CCBE1: variants seen among roughly 807,000 people sequenced by gnomAD.
CCBE1 encodes collagen and calcium-binding EGF domain-containing protein 1.
Under a neutral mutation model 50.0 loss-of-function variants are expected in CCBE1, and 37 were observed. That is an observed-to-expected ratio of 0.74 (90% CI 0.57 to 0.97). CCBE1 has a LOEUF of 0.97. CCBE1 is among the 50% of genes least tolerant of loss of function. The probability of loss-of-function intolerance (pLI) is 0.00; values close to 1 mark genes in which losing one functional copy is unlikely to be tolerated. For synonymous variants in CCBE1, 234 were observed against 203.7 expected (o/e 1.15, Z -1.27); for missense variants, 538 against 523.8 (o/e 1.03, Z -0.26).
At chr18:59,532,037 C>A (rs1915073313) in intron 2 of CCBE1, among the ~76,000 whole-genome samples, 1 of 152,174 alleles carries the variant, frequency 6.6e-6, no homozygotes, top group African/African-American at 2.4e-5. Flanking sequence ...TAAACATACT[C>A]ATGACCGTCT....
chr18:59,494,554 T>G (rs1163485858), intron 2 of CCBE1, among the ~76,000 whole-genome samples: 1 of 151,942 alleles, frequency 6.6e-6, no homozygotes, highest in Non-Finnish European at 1.5e-5. Flanking sequence ...GGTTAAAATC[T>G]GTAGGACTTC....
intron 2 of CCBE1, among the ~76,000 whole-genome samples, chr18:59,690,281 A>G (rs535496776): frequency 6.6e-6 from 1 of 152,358 alleles, no homozygotes; most frequent in South Asian, 2.1e-4. Context: ...ATGAGTCAAT[A>G]GCTTCGCAGA....
intron 2 of CCBE1, among the ~76,000 whole-genome samples, chr18:59,544,796 C>T (rs896977783): frequency 6.6e-6 from 1 of 152,144 alleles, no homozygotes; most frequent in Non-Finnish European, 1.5e-5. Flanking sequence ...TTCCATTATA[C>T]CTTTTAAGAG....
intron 4 of CCBE1, 98 bp downstream of exon 4, chr18:59,469,375 A>G (rs1231975649): frequency 1.3e-6 from 2 of 1,511,272 alleles, no homozygotes; most frequent in African/African-American, 2.7e-5. Context: ...ACACAACTCC[A>G]TCCAACAAGT....
At chr18:59,662,660 G>C (rs2054300284) in intron 2 of CCBE1, among the ~76,000 whole-genome samples, 1 of 152,212 alleles carries the variant, frequency 6.6e-6, no homozygotes, top group African/African-American at 2.4e-5. Flanking sequence ...GCAGGTTCAG[G>C]GAGACCATGA....
At chr18:59,505,827 C>T (rs560931732) in intron 2 of CCBE1, among the ~76,000 whole-genome samples, 1 of 152,136 alleles carries the variant, frequency 6.6e-6, no homozygotes, top group Non-Finnish European at 1.5e-5. Flanking sequence ...GGGTAAGAAA[C>T]TTACTAAAGG....
At chr18:59,683,703 AAG>A (rs2054621488) in intron 2 of CCBE1, among the ~76,000 whole-genome samples, 1 of 148,760 alleles carries the variant, frequency 6.7e-6, no homozygotes, top group African/African-American at 2.6e-5. Flanking sequence ...ATCTCAAAAA[AAG>A]AGAGGAAAGA....
At chr18:59,502,018 T>C (rs10163572) in intron 2 of CCBE1, among the ~76,000 whole-genome samples, 27,789 of 152,118 alleles carry the variant, frequency 0.18, 3,009 homozygotes, top group Non-Finnish European at 0.24. Context: ...AGGCTGATCT[T>C]AAACTCCTGA....
intron 2 of CCBE1, among the ~76,000 whole-genome samples, chr18:59,480,856 A>G (rs1568163079): frequency 1.3e-5 from 2 of 152,154 alleles, no homozygotes; most frequent in Non-Finnish European, 2.9e-5. Context: ...TAAATATTCA[A>G]TACTTACTCC....
intron 2 of CCBE1, among the ~76,000 whole-genome samples, chr18:59,612,316 G>A (rs868088102): frequency 2.6e-4 from 36 of 140,854 alleles, no homozygotes; most frequent in Non-Finnish European, 4.9e-4. Context: ...GAAAAAAAAA[G>A]GGAAGAAAAA....
At chr18:59,611,256 A>G (rs2053565264) in intron 2 of CCBE1, among the ~76,000 whole-genome samples, 1 of 152,258 alleles carries the variant, frequency 6.6e-6, no homozygotes, top group African/African-American at 2.4e-5. Flanking sequence ...AGCTGGCAAG[A>G]GTGCCAGCCA....
chr18:59,622,581 T>G (rs1422618223), intron 2 of CCBE1, among the ~76,000 whole-genome samples: 1 of 150,848 alleles, frequency 6.6e-6, no homozygotes, highest in South Asian at 2.1e-4. Context: ...GGCAGGTAGA[T>G]CACGAGGTCA....
chr18:59,678,001 C>A (rs2054530511), intron 2 of CCBE1, among the ~76,000 whole-genome samples: 1 of 152,198 alleles, frequency 6.6e-6, no homozygotes, highest in Non-Finnish European at 1.5e-5. Context: ...TACATCAACA[C>A]TGAAAACTGA....
At chr18:59,488,656 C>T (rs538215790) in intron 2 of CCBE1, among the ~76,000 whole-genome samples, 3 of 152,234 alleles carry the variant, frequency 2.0e-5, no homozygotes, top group South Asian at 4.2e-4. Flanking sequence ...GGTGAGAATC[C>T]GGGCTCTGCT....
intron 2 of CCBE1, among the ~76,000 whole-genome samples, chr18:59,609,030 T>C (rs1031121256): frequency 6.6e-6 from 1 of 152,226 alleles, no homozygotes; most frequent in Non-Finnish European, 1.5e-5. Flanking sequence ...TTGCATTATG[T>C]GACTTGTCAT....
chr18:59,664,635 A>T (rs2054328047), intron 2 of CCBE1, among the ~76,000 whole-genome samples: 1 of 152,178 alleles, frequency 6.6e-6, no homozygotes, highest in South Asian at 2.1e-4. Context: ...GCCATTAAGC[A>T]CCTCATTCTA....
chr18:59,559,005 C>T (rs1443969188), intron 2 of CCBE1, among the ~76,000 whole-genome samples: 1 of 152,210 alleles, frequency 6.6e-6, no homozygotes, highest in East Asian at 1.9e-4. Flanking sequence ...TGGACCTGGA[C>T]CCCGGGATCT....
intron 2 of CCBE1, among the ~76,000 whole-genome samples, chr18:59,681,898 T>TA (rs1308710354): frequency 6.6e-6 from 1 of 152,184 alleles, no homozygotes; most frequent in Non-Finnish European, 1.5e-5. Flanking sequence ...GTAAACTAAA[T>TA]GCGCTTCTGT....
At chr18:59,661,499 C>G (rs748842344) in intron 2 of CCBE1, among the ~76,000 whole-genome samples, 1 of 152,090 alleles carries the variant, frequency 6.6e-6, no homozygotes, top group Non-Finnish European at 1.5e-5. Flanking sequence ...CAAGTCAATC[C>G]TCATTACTCA....
Sources: gnomAD v4.1 joint callset for allele counts (sites outside exome capture counted in the v4.1 genomes callset) on GRCh38, gnomAD v4.1.1 for gene constraint, MANE v1.5 for transcripts, NCBI Gene and HGNC (gene_info 2026-07-23, HGNC 2026-07-21) for gene names.